ZBTB37: variants seen among roughly 807,000 people sequenced by gnomAD.
ZBTB37 encodes the protein zinc finger and BTB domain-containing protein 37.
Under a neutral mutation model 37.7 loss-of-function variants are expected in ZBTB37, and 15 were observed. The observed-to-expected ratio is 0.40, with a 90% CI of 0.27 to 0.61. The LOEUF is 0.61. Among genes scored for constraint, ZBTB37 ranks in the 20% least tolerant of loss-of-function variants. ZBTB37 has a pLI of 0.44. For missense variants in ZBTB37, 514 were observed against 641.9 expected (o/e 0.80, Z 2.15); for synonymous variants, 231 against 220.6 (o/e 1.05, Z -0.42).
exon 5 of ZBTB37, chr1:173,886,289 T>A: frequency 1.8e-6 from 2 of 1,093,188 alleles, no homozygotes; most frequent in Non-Finnish European, 2.5e-6. Flanking sequence ...ACAAAAGCAC[T>A]AAAGGCTCCT....
At chr1:173,885,136 A>G (rs958352436) in intron 4 of ZBTB37, among the ~76,000 whole-genome samples, 2 of 152,174 alleles carry the variant, frequency 1.3e-5, no homozygotes, top group Non-Finnish European at 2.9e-5. Flanking sequence ...CAGGAGGCTG[A>G]GGTGGGAGGA....
At chr1:173,878,535 T>C (rs1557886963) in intron 4 of ZBTB37, among the ~76,000 whole-genome samples, 1 of 152,204 alleles carries the variant, frequency 6.6e-6, no homozygotes, top group Non-Finnish European at 1.5e-5. Flanking sequence ...ACCCCAGTGA[T>C]GGGGTCACCA....
exon 4 of ZBTB37, chr1:173,894,846 A>G (rs1290104669): frequency 6.6e-6 from 1 of 152,022 alleles, no homozygotes; most frequent in Non-Finnish European, 1.5e-5. Context: ...GTGTTTATTC[A>G]TCAGTTGTTT....
chr1:173,876,866 T>A (rs184182328), intron 4 of ZBTB37, among the ~76,000 whole-genome samples: 1 of 152,188 alleles, frequency 6.6e-6, no homozygotes, highest in Non-Finnish European at 1.5e-5. Flanking sequence ...TGAGAAATGC[T>A]AGACCATTTT....
chr1:173,889,690 C>T (rs1356909429), downstream of ZBTB37: 1 of 152,188 alleles, frequency 6.6e-6, no homozygotes, highest in Non-Finnish European at 1.5e-5. Flanking sequence ...TCTCTCTTTA[C>T]TCAGAACCGT....
intron 3 of ZBTB37, among the ~76,000 whole-genome samples, chr1:173,873,099 A>G (rs977563239): frequency 6.6e-6 from 1 of 152,154 alleles, no homozygotes; most frequent in African/African-American, 2.4e-5. Flanking sequence ...TTATTATGGG[A>G]CCTTGGGGAA....
At chr1:173,891,850 A>C (rs1656854732) in exon 4 of ZBTB37, 1 of 152,188 alleles carries the variant, frequency 6.6e-6, no homozygotes, top group African/African-American at 2.4e-5. Flanking sequence ...TATCTTGACA[A>C]AGTTTTCTAG....
chr1:173,882,393 C>G (rs373441924), intron 4 of ZBTB37, among the ~76,000 whole-genome samples: 1 of 151,788 alleles, frequency 6.6e-6, no homozygotes, highest in Non-Finnish European at 1.5e-5. Context: ...AGGCACCCGC[C>G]ACCACGCCCA....
chr1:173,879,278 C>G (rs908854715), intron 4 of ZBTB37, among the ~76,000 whole-genome samples: 3 of 152,032 alleles, frequency 2.0e-5, no homozygotes, highest in Non-Finnish European at 4.4e-5. Context: ...GGTCTTGACT[C>G]AGGAGATTGG....
chr1:173,872,372 CTTATT>C (rs917949094), intron 3 of ZBTB37, among the ~76,000 whole-genome samples: 4 of 151,720 alleles, frequency 2.6e-5, no homozygotes, highest in African/African-American at 7.3e-5. Context: ...TGCGCCCGGC[CTTATT>C]TTATTTTATT....
chr1:173,899,161 AAAATT>A (rs1454831556), exon 4 of ZBTB37: 1 of 152,234 alleles, frequency 6.6e-6, no homozygotes, highest in Non-Finnish European at 1.5e-5. Flanking sequence ...ATGAAGTGGT[AAAATT>A]AAATTATATG....
intron 4 of ZBTB37, among the ~76,000 whole-genome samples, chr1:173,881,118 C>T (rs35482254): frequency 2.6e-5 from 4 of 151,726 alleles, no homozygotes; most frequent in African/African-American, 4.8e-5. Flanking sequence ...TCCCACCCCA[C>T]GACAGGCCCC....
chr1:173,895,332 G>A (rs1657003416), exon 4 of ZBTB37: 1 of 152,106 alleles, frequency 6.6e-6, no homozygotes, highest in Non-Finnish European at 1.5e-5. Context: ...TGAACTCCTG[G>A]ACTCAAGAGA....
chr1:173,875,428 C>T (rs969433731), intron 4 of ZBTB37, among the ~76,000 whole-genome samples: 30 of 150,280 alleles, frequency 2.0e-4, no homozygotes, highest in Admixed American at 2.0e-4. Context: ...TGGGTTCAAA[C>T]GGTTCTCCTG....
intron 4 of ZBTB37, among the ~76,000 whole-genome samples, chr1:173,882,904 T>A (rs1161712851): frequency 6.6e-6 from 1 of 152,228 alleles, no homozygotes; most frequent in Non-Finnish European, 1.5e-5. Context: ...TATGAATTTG[T>A]AATGTTTAAT....
exon 3 of ZBTB37, chr1:173,871,088 A>G: frequency 6.2e-7 from 1 of 1,613,972 alleles, no homozygotes; most frequent in Non-Finnish European, 8.5e-7. Context: ...GGACAGGAAA[A>G]TTATACTTTA....
intron 4 of ZBTB37, among the ~76,000 whole-genome samples, chr1:173,885,121 C>T (rs965335251): frequency 1.3e-5 from 2 of 152,138 alleles, no homozygotes; most frequent in Non-Finnish European, 2.9e-5. Flanking sequence ...GTGGTCCCAG[C>T]TACTCAGGAG....
Position 173,879,601 on chromosome 1 carries a change from A to G in ZBTB37, c.1023+6035A>G, listed in dbSNP as rs560030620. Among the ~76,000 whole-genome samples, 58 of 152,210 alleles carry G rather than the reference A, an allele frequency of 3.8e-4. 1 individual carries two copies. In the South Asian group the frequency reaches 9.3e-3, roughly 24 times the overall value. On this transcript the variant is annotated intron_variant, in intron 4 of 4. Coordinates refer to ENST00000427304, the Ensembl canonical transcript of ZBTB37. ...ACCTTCTGTCAAAGATGTTTTGGCT[A>G]TTTTTCTCTCAATACAAAAAGAAGT... is the stretch of plus-strand genomic sequence containing the variant.
chr1:173,875,328 A>AT (rs1380041729), intron 4 of ZBTB37, among the ~76,000 whole-genome samples: 17 of 91,156 alleles, frequency 1.9e-4, no homozygotes, highest in African/African-American at 9.8e-4. Flanking sequence ...ATATATATAT[A>AT]TATTTTTTTT....
Sources: allele counts gnomAD v4.1 joint callset (sites outside exome capture counted in the v4.1 genomes callset), GRCh38; gene constraint gnomAD v4.1.1; transcripts MANE v1.5; gene names NCBI Gene and HGNC (gene_info 2026-07-23, HGNC 2026-07-21).